MLLT3: variants seen among roughly 807,000 people sequenced by gnomAD.
MLLT3 encodes the protein protein AF-9.
In MLLT3, 4 loss-of-function variants were observed where a neutral mutation model predicts 53.2. The observed-to-expected ratio is 0.08, with a 90% CI of 0.04 to 0.17. The LOEUF (loss-of-function observed/expected upper bound fraction) is 0.17. Among genes scored for constraint, MLLT3 ranks in the 10% least tolerant of loss-of-function variants. The pLI is 1.00. For missense variants in MLLT3, 569 were observed against 684.0 expected (o/e 0.83, Z 1.87); for synonymous variants, 283 against 230.6 (o/e 1.23, Z -2.06).
In MLLT3 at chr9:20,354,827, T is replaced by G; in HGVS notation, c.1484A>C (p.Lys495Thr). 6.2e-7 allele frequency: 1 copy of G among 1,612,116 alleles called. No homozygotes were observed. Among genetic ancestry groups the G allele is most frequent in the Non-Finnish European group, 8.5e-7 (1 of 1,178,356 alleles). The stretch of plus-strand genomic sequence containing the variant: ...ACCTACCTTGTCACATTCACCATTC[T>G]TTATTTGCTTATCTGATTTGCTTTG... ...IKQSKSDKQI[K>T]NGECDKAYLD... The change falls in exon 9 of 11, where the codon AAG (lysine) becomes ACG (threonine). Residue 495 changes from lysine (K) to threonine (T), a missense_variant. Around this residue, in one of 5 missense-constraint regions of MLLT3, gnomAD observed 437 missense variants for 376.5 expected, o/e 1.16. Transcript: ENST00000380338.
intron 2 of MLLT3, among the ~76,000 whole-genome samples, chr9:20,544,706 A>C (rs1270420170): frequency 6.6e-6 from 1 of 152,228 alleles, no homozygotes; most frequent in African/African-American, 2.4e-5. Context: ...TAGAATTACC[A>C]TAGGATTCAG....
chr9:20,473,618 G>A (rs1017668287), intron 2 of MLLT3, among the ~76,000 whole-genome samples: 4 of 151,826 alleles, frequency 2.6e-5, no homozygotes, highest in Non-Finnish European at 5.9e-5. Context: ...AATAGGACTG[G>A]GTCCAATATT....
intron 4 of MLLT3, among the ~76,000 whole-genome samples, chr9:20,433,232 A>G (rs991679822): frequency 6.6e-6 from 1 of 152,170 alleles, no homozygotes; most frequent in Non-Finnish European, 1.5e-5. Flanking sequence ...TGAACTTGAC[A>G]TATCTTTTTA....
chr9:20,501,286 A>ACTGAATACAT (rs2118940465), intron 2 of MLLT3, among the ~76,000 whole-genome samples: 2 of 152,332 alleles, frequency 1.3e-5, no homozygotes, highest in South Asian at 4.1e-4. Context: ...TTGATGGAAC[A>ACTGAATACAT]CTGAATACAT....
intron 2 of MLLT3, among the ~76,000 whole-genome samples, chr9:20,515,969 A>G (rs1817903442): frequency 6.6e-6 from 1 of 152,216 alleles, no homozygotes; most frequent in Non-Finnish European, 1.5e-5. Flanking sequence ...CTCACAAGCA[A>G]TGTTACTAGA....
chr9:20,451,614 T>C (rs774390576), intron 3 of MLLT3, among the ~76,000 whole-genome samples: 1 of 152,200 alleles, frequency 6.6e-6, no homozygotes, highest in Non-Finnish European at 1.5e-5. Context: ...GACATCGACA[T>C]TATGTCAGTC....
chr9:20,429,706 T>C (rs1196205366), intron 4 of MLLT3, among the ~76,000 whole-genome samples: 1 of 152,118 alleles, frequency 6.6e-6, no homozygotes, highest in African/African-American at 2.4e-5. Context: ...TACTGAAACG[T>C]TTTCTGATAA....
At chr9:20,522,775 A>G (rs992461866) in intron 2 of MLLT3, among the ~76,000 whole-genome samples, 1 of 152,180 alleles carries the variant, frequency 6.6e-6, no homozygotes, top group Non-Finnish European at 1.5e-5. Flanking sequence ...AGGATATACA[A>G]TATACAAAGG....
intron 2 of MLLT3, among the ~76,000 whole-genome samples, chr9:20,597,339 G>A (rs1202722297): frequency 1.3e-5 from 2 of 151,052 alleles, no homozygotes; most frequent in African/African-American, 4.9e-5. Context: ...TACCACTTAT[G>A]TGCAAAGGTC....
At chr9:20,459,285 A>T (rs1017012804) in intron 2 of MLLT3, among the ~76,000 whole-genome samples, 1 of 152,200 alleles carries the variant, frequency 6.6e-6, no homozygotes, top group Non-Finnish European at 1.5e-5. Flanking sequence ...ATGACCTTAT[A>T]AGTTTCTCTA....
rs1257675280 is a variant in MLLT3, at chr9:20,463,264, C to T, written c.194-6478G>A. Among the ~76,000 whole-genome samples the T allele has an allele frequency of 2.0e-5, 3 of 151,426 alleles. No homozygotes were observed. In the East Asian group the frequency reaches 5.8e-4, roughly 29 times the overall value. ...ACTTATGTATTCAGTATATCCCTGG[C>T]TTCTCTTTCAAGGGGGTGGGGGGGA... On this transcript the variant is annotated intron_variant, in intron 2 of 10. Coordinates refer to ENST00000380338, the MANE Select transcript of MLLT3 (RefSeq NM_004529.4).
intron 5 of MLLT3, among the ~76,000 whole-genome samples, chr9:20,401,868 A>G (rs537238421): frequency 6.6e-6 from 1 of 152,336 alleles, no homozygotes; most frequent in South Asian, 2.1e-4. Context: ...GATAACTAGC[A>G]GTGTCTGCAA....
At chr9:20,413,094 T>A (rs1406678404) in intron 5 of MLLT3, among the ~76,000 whole-genome samples, 1 of 152,192 alleles carries the variant, frequency 6.6e-6, no homozygotes, top group East Asian at 1.9e-4. Context: ...AATCAGTGGC[T>A]AAACAATGAA....
rs114872099 is a variant in MLLT3, at chr9:20,461,073, T to C, written c.194-4287A>G. Among the ~76,000 whole-genome samples the C allele has an allele frequency of 5.1e-3, 780 of 152,270 alleles. 8 individuals carry two copies. The highest frequency in any genetic ancestry group is 0.017 in the African/African-American group (711 of 41,564). On this transcript the variant is annotated intron_variant, in intron 2 of 10. Transcript: ENST00000380338. ...CTACCCATGTACTCCAAGACTCTAA[T>C]TGGGAGAGGTTTTCAAAACTCTCTT...
At chr9:20,586,807 A>T (rs1587102755) in intron 2 of MLLT3, among the ~76,000 whole-genome samples, 1 of 152,172 alleles carries the variant, frequency 6.6e-6, no homozygotes, top group Non-Finnish European at 1.5e-5. Flanking sequence ...GAGCCAGCAG[A>T]GGGGAGCAAG....
intron 2 of MLLT3, among the ~76,000 whole-genome samples, chr9:20,600,334 G>A (rs1820389488): frequency 6.6e-6 from 1 of 152,162 alleles, no homozygotes; most frequent in South Asian, 2.1e-4. Flanking sequence ...AACCACGTCT[G>A]TTTTGTTGCT....
rs60526002 is a variant in MLLT3, at chr9:20,620,252, AAC to A, written c.193+400_193+401del. On this transcript the variant is annotated intron_variant, in intron 2 of 10. Transcript: ENST00000380338. The surrounding 1 kb of genome is among the most constrained non-coding windows in gnomAD (Gnocchi z 6.1). ...AGGTAAATCTTAATTTCTCTAGGAA[AAC>A]ACACACACACACACACACACACACA... is the stretch of plus-strand genomic sequence containing the variant. Among the ~76,000 whole-genome samples the A allele has an allele frequency of 0.35, 49,398 of 142,216 alleles. 8,652 individuals carry two copies. The highest frequency in any genetic ancestry group is 0.48 in the Middle Eastern group (135 of 280). 93.3% of individuals were successfully genotyped at this position (142,216 alleles called of 152,430 possible).
intron 5 of MLLT3, chr9:20,382,569 C>T (rs1269241521): frequency 6.6e-6 from 1 of 151,790 alleles, no homozygotes; most frequent in Admixed American, 6.6e-5. Flanking sequence ...TCATGACTTC[C>T]CAATTGCTCA....
chr9:20,588,749 C>T (rs1312056932), intron 2 of MLLT3, among the ~76,000 whole-genome samples: 1 of 152,098 alleles, frequency 6.6e-6, no homozygotes, highest in South Asian at 2.1e-4. Flanking sequence ...TGGGCTGAGA[C>T]AATGGGGTTT....
Sources: allele counts gnomAD v4.1 joint callset (sites outside exome capture counted in the v4.1 genomes callset), GRCh38; gene constraint gnomAD v4.1.1; regional missense constraint gnomAD v4.1.1; non-coding constraint Gnocchi (gnomAD v3.1); transcripts MANE v1.5; gene names NCBI Gene and HGNC (gene_info 2026-07-23, HGNC 2026-07-21).